The following LUZP2 variants were observed in gnomAD, a reference collection of about 807,000 sequenced individuals.
LUZP2 encodes leucine zipper protein 2.
Under a neutral mutation model 51.6 loss-of-function variants are expected in LUZP2, and 52 were observed. That is an observed-to-expected ratio of 1.01 (90% CI 0.81 to 1.27). The LOEUF (loss-of-function observed/expected upper bound fraction) is 1.27, where lower values mean the gene tolerates loss of function less well. Among genes scored for constraint, LUZP2 ranks in the 50% most tolerant of loss-of-function variants. LUZP2 has a pLI of 0.00. For missense variants in LUZP2, 436 were observed against 395.4 expected (o/e 1.10, Z -0.87); for synonymous variants, 154 against 137.3 (o/e 1.12, Z -0.85).
intron 5 of LUZP2, among the ~76,000 whole-genome samples, chr11:24,889,428 A>G (rs982586235): frequency 1.3e-5 from 2 of 152,242 alleles, no homozygotes; most frequent in African/African-American, 4.8e-5. Context: ...TTTTCTAAGT[A>G]AAATCTATTC....
At chr11:24,607,618 G>T (rs1363113509) in intron 1 of LUZP2, among the ~76,000 whole-genome samples, 2 of 151,778 alleles carry the variant, frequency 1.3e-5, no homozygotes, top group Admixed American at 6.6e-5. Context: ...TGCTTTAAGG[G>T]GTCAGGTATG....
intron 1 of LUZP2, among the ~76,000 whole-genome samples, chr11:24,593,341 C>G (rs1853322169): frequency 6.6e-6 from 1 of 152,118 alleles, no homozygotes; most frequent in Admixed American, 6.6e-5. Context: ...ACTTTCCCAA[C>G]AATAATTTAT....
chr11:24,926,349 A>G (rs1854247973), intron 7 of LUZP2, among the ~76,000 whole-genome samples: 1 of 97,458 alleles, frequency 1.0e-5, no homozygotes, highest in Admixed American at 1.0e-4. Context: ...ACGTGTGTAT[A>G]TATATACGTG....
intron 7 of LUZP2, among the ~76,000 whole-genome samples, chr11:24,943,100 G>A (rs1188139184): frequency 1.3e-5 from 2 of 152,080 alleles, no homozygotes; most frequent in Non-Finnish European, 2.9e-5. Flanking sequence ...CCTTTGATTG[G>A]ATTCGTATGG....
chr11:24,755,700 A>C (rs1480828658), intron 4 of LUZP2, among the ~76,000 whole-genome samples: 2 of 152,120 alleles, frequency 1.3e-5, no homozygotes, highest in African/African-American at 2.4e-5. Flanking sequence ...TTTTAGACAC[A>C]ACTGACTAAC....
In LUZP2 at chr11:24,611,787, G is replaced by A. The variant is rs549915507; in HGVS notation, c.62+114482G>A. On this transcript the variant is annotated intron_variant, in intron 1 of 11. Transcript: ENST00000336930. The surrounding 1 kb of genome is among the most constrained non-coding windows in gnomAD (Gnocchi z 4.6). ...TCATTTATCACCATTATACAAATAA[G>A]AAAAGGGATACAAAGAGACATAACC... Among the ~76,000 whole-genome samples the A allele has an allele frequency of 6.6e-6, 1 of 152,164 alleles. No homozygotes were observed. The highest frequency in any genetic ancestry group is 1.9e-4 in the East Asian group (1 of 5,172).
At chr11:24,597,836 A>G (rs1299570902) in intron 1 of LUZP2, among the ~76,000 whole-genome samples, 5 of 152,088 alleles carry the variant, frequency 3.3e-5, no homozygotes, top group African/African-American at 9.7e-5. Context: ...ACCATGGCTT[A>G]TATGCCTGTA....
chr11:24,968,822 T>C (rs1230360179), intron 7 of LUZP2, among the ~76,000 whole-genome samples: 1 of 152,238 alleles, frequency 6.6e-6, no homozygotes, highest in Non-Finnish European at 1.5e-5. Flanking sequence ...CGCACCTTGG[T>C]TAAGAAATTG....
chr11:24,785,583 A>G (rs1849222367), intron 5 of LUZP2, among the ~76,000 whole-genome samples: 1 of 151,990 alleles, frequency 6.6e-6, no homozygotes, highest in Admixed American at 6.6e-5. Flanking sequence ...AGAGTATGAC[A>G]TTTCATTAGG....
chr11:24,818,611 A>G (rs1398275017), intron 5 of LUZP2, among the ~76,000 whole-genome samples: 2 of 152,030 alleles, frequency 1.3e-5, no homozygotes, highest in Non-Finnish European at 2.9e-5. Flanking sequence ...TTATATGAAA[A>G]ATTATGGGAA....
Position 24,497,257 on chromosome 11 carries a change from C to G in LUZP2, c.14C>G (p.Pro5Arg), listed in dbSNP as rs1590103078. 1 of 1,563,090 alleles carries G rather than the reference C, an allele frequency of 6.4e-7. No individual in the cohort carries two copies. The highest frequency in any genetic ancestry group is 1.2e-5 in the South Asian group (1 of 86,054). The change falls in exon 1 of 12, where the codon CCA becomes CGA. Residue 5 changes from proline to arginine, a missense_variant. By Grantham distance (103) the Pro-to-Arg change is moderately radical. Coordinates refer to ENST00000336930, the MANE Select transcript of LUZP2 (RefSeq NM_001009909.4). MKFS[P>R]AHYLLPLLPA... Reference sequence around the variant, plus strand: ...GCAGGCAGCAGCATGAAATTCAGCCCAGCGCACTACCTGCTGCCTCTCCTG... The same window carrying G: ...GCAGGCAGCAGCATGAAATTCAGCCGAGCGCACTACCTGCTGCCTCTCCTG...
At chr11:24,584,460 C>A (rs1852988580) in intron 1 of LUZP2, among the ~76,000 whole-genome samples, 1 of 152,164 alleles carries the variant, frequency 6.6e-6, no homozygotes, top group African/African-American at 2.4e-5. Context: ...TGGATACTTT[C>A]CATTCTGTAA....
chr11:25,043,463 C>A (rs1858141019), intron 9 of LUZP2, among the ~76,000 whole-genome samples: 1 of 150,814 alleles, frequency 6.6e-6, no homozygotes. Context: ...TAAAAACAAA[C>A]AAACAAATGA....
chr11:25,055,424 C>A (rs1478074500), intron 10 of LUZP2, among the ~76,000 whole-genome samples: 4 of 151,892 alleles, frequency 2.6e-5, no homozygotes, highest in Non-Finnish European at 5.9e-5. Context: ...CATAGTATTG[C>A]AAATGTAGTA....
In LUZP2 at chr11:24,814,161, C is replaced by T. The variant is rs147512178; in HGVS notation, c.396+50853C>T. Among the ~76,000 whole-genome samples, 139 of 152,282 alleles carry T rather than the reference C, an allele frequency of 9.1e-4. 2 individuals carry two copies. Among genetic ancestry groups the T allele is most frequent in the Non-Finnish European group, 1.6e-3 (107 of 68,024 alleles). On this transcript the variant is annotated intron_variant, in intron 5 of 11. Coordinates refer to ENST00000336930, the MANE Select transcript of LUZP2 (RefSeq NM_001009909.4). ...CCATCTTTCTCTTCTTATCTTCAGGCGAATTAATAACTTCCTCCTTTGCCC... is the reference window on the plus strand; with the variant it reads ...CCATCTTTCTCTTCTTATCTTCAGGTGAATTAATAACTTCCTCCTTTGCCC...
At chr11:25,054,239 A>T (rs1858610698) in intron 10 of LUZP2, among the ~76,000 whole-genome samples, 1 of 152,172 alleles carries the variant, frequency 6.6e-6, no homozygotes, top group Non-Finnish European at 1.5e-5. Context: ...CTTGTTGTGA[A>T]GGTGGAAGTG....
chr11:24,633,447 C>T (rs551503800), intron 1 of LUZP2, among the ~76,000 whole-genome samples: 21 of 151,964 alleles, frequency 1.4e-4, no homozygotes, highest in African/African-American at 3.9e-4. Context: ...AGTTACCTAG[C>T]CACTCCATGA....
At chr11:25,027,393 T>A (rs1282688080) in intron 9 of LUZP2, among the ~76,000 whole-genome samples, 1 of 152,136 alleles carries the variant, frequency 6.6e-6, no homozygotes, top group African/African-American at 2.4e-5. Context: ...TACTTTATTA[T>A]CAACTTTATG....
At chr11:24,713,017 A>G (rs1857896729) in intron 1 of LUZP2, among the ~76,000 whole-genome samples, 1 of 152,168 alleles carries the variant, frequency 6.6e-6, no homozygotes, top group Non-Finnish European at 1.5e-5. Context: ...AGACTTTTCT[A>G]GACATCTTTA....
Sources: allele counts gnomAD v4.1 joint callset (sites outside exome capture counted in the v4.1 genomes callset), GRCh38; gene constraint gnomAD v4.1.1; non-coding constraint Gnocchi (gnomAD v3.1); transcripts MANE v1.5; gene names NCBI Gene and HGNC (gene_info 2026-07-23, HGNC 2026-07-21).